The following ZNF565 variants were observed in gnomAD, a reference collection of about 807,000 sequenced individuals.
ZNF565 encodes zinc finger protein 565.
A neutral mutation model predicts 39.4 loss-of-function variants in ZNF565; 27 were observed. The ratio of observed to expected loss-of-function variants is 0.69; its 90% CI spans 0.51 to 0.95. The LOEUF (loss-of-function observed/expected upper bound fraction) is 0.95. Among genes scored for constraint, ZNF565 ranks in the 40% least tolerant of loss-of-function variants. The pLI is 0.00. For missense variants in ZNF565, 524 were observed against 621.1 expected (o/e 0.84, Z 1.66); for synonymous variants, 185 against 216.6 (o/e 0.85, Z 1.28).
chr19:36,196,494 G>A (rs576594876), intron 2 of ZNF565, among the ~76,000 whole-genome samples: 3 of 152,348 alleles, frequency 2.0e-5, no homozygotes, highest in Non-Finnish European at 2.9e-5. Flanking sequence ...TATATGACTA[G>A]AGGTCTATAT....
chr19:36,245,416 C>G lies in ZNF565; in HGVS notation c.55+60G>C, dbSNP rs921665454. The G allele has an allele frequency of 1.4e-6, 1 of 701,454 alleles. No individual in the cohort carries two copies. Among genetic ancestry groups the G allele is most frequent in the Non-Finnish European group, 2.6e-6 (1 of 384,304 alleles). 43.5% of individuals were successfully genotyped at this position (701,454 alleles called of 1,614,324 possible). On this transcript the variant is annotated intron_variant, in intron 1 of 4. Transcript: ENST00000355114. This position sits in a 1 kb window ranked among gnomAD's most constrained non-coding sequence, Gnocchi z 4.4. ...GACCCGGAAAGCTCCGCGCTTACGACGCCCACCCAGAAAATCCGGATCACA... is the reference window on the plus strand; with the variant it reads ...GACCCGGAAAGCTCCGCGCTTACGAGGCCCACCCAGAAAATCCGGATCACA...
At chr19:36,218,313 A>C (rs916901568), upstream of ZNF565, 1 of 152,006 alleles carries the variant, frequency 6.6e-6, no homozygotes, top group African/African-American at 2.4e-5. Flanking sequence ...AGTTCTAAGA[A>C]TAGTCCCCAG....
intron 1 of ZNF565, among the ~76,000 whole-genome samples, chr19:36,211,680 C>A (rs981005875): frequency 1.3e-5 from 2 of 148,358 alleles, no homozygotes; most frequent in Non-Finnish European, 3.0e-5. Flanking sequence ...GTAGTCCCAA[C>A]TACTCGGGAG....
intron 1 of ZNF565, among the ~76,000 whole-genome samples, chr19:36,204,240 G>A (rs1047454906): frequency 3.3e-5 from 5 of 152,096 alleles, no homozygotes; most frequent in African/African-American, 1.2e-4. Context: ...GTGAGCCACC[G>A]AGCCCAGCTA....
intron 1 of ZNF565, among the ~76,000 whole-genome samples, chr19:36,222,931 C>G (rs1236095361): frequency 6.6e-6 from 1 of 151,636 alleles, no homozygotes; most frequent in African/African-American, 2.4e-5. Context: ...AATGAGCCCC[C>G]TGTGGTTGGT....
chr19:36,234,823 T>C lies in ZNF565; in HGVS notation c.55+10653A>G, dbSNP rs371337151. ...TCATTTGCTGAATGCCCCTGAGCTC[T>C]GATTAAAATTCTGCAGGGGATAAAC... On this transcript the variant is annotated intron_variant, in intron 1 of 4. Coordinates refer to the ZNF565 transcript ENST00000355114. 2.6e-5 allele frequency among the ~76,000 whole-genome samples: 4 copies of C among 152,232 alleles called. No individual in the cohort carries two copies. In the East Asian group the frequency reaches 5.8e-4, roughly 22 times the overall value.
intron 2 of ZNF565, among the ~76,000 whole-genome samples, chr19:36,196,678 CAA>C (rs1171381668): frequency 6.6e-6 from 1 of 152,088 alleles, no homozygotes; most frequent in African/African-American, 2.4e-5. Context: ...TAATGTCTTT[CAA>C]AAATGAGTCC....
chr19:36,205,048 T>C (rs868116368), intron 1 of ZNF565, among the ~76,000 whole-genome samples: 7 of 151,866 alleles, frequency 4.6e-5, no homozygotes, highest in African/African-American at 1.7e-4. Flanking sequence ...CAAGGACCAG[T>C]GGGTCTGATC....
chr19:36,212,661 A>G (rs1261789103), intron 1 of ZNF565, among the ~76,000 whole-genome samples: 1 of 152,068 alleles, frequency 6.6e-6, no homozygotes, highest in Non-Finnish European at 1.5e-5. Context: ...TATTGTTGCT[A>G]CATTTTAAAG....
chr19:36,198,420 TAAAAATC>T (rs1975841181), intron 2 of ZNF565, among the ~76,000 whole-genome samples: 1 of 152,108 alleles, frequency 6.6e-6, no homozygotes, highest in Non-Finnish European at 1.5e-5. Context: ...TTTGTGGATC[TAAAAATC>T]AAAACAATTC....
At chr19:36,211,543 C>G (rs1976360112) in intron 1 of ZNF565, among the ~76,000 whole-genome samples, 1 of 151,996 alleles carries the variant, frequency 6.6e-6, no homozygotes, top group South Asian at 2.1e-4. Context: ...CCTGTAATCC[C>G]AGTACTTTGG....
chr19:36,236,358 T>C, intron 1 of ZNF565: 4 of 1,481,570 alleles, frequency 2.7e-6, no homozygotes, highest in Non-Finnish European at 3.6e-6. Context: ...TGTGGAAATA[T>C]CTTCAGCCAA....
At position 36,245,643 on chromosome 19, in the gene ZNF565, T is replaced by C; in HGVS notation, c.-113A>G. On this transcript the variant is annotated 5_prime_UTR_variant, in exon 1 of 5. Coordinates refer to the ZNF565 transcript ENST00000355114. The surrounding 1 kb of genome is among the most constrained non-coding windows in gnomAD (Gnocchi z 4.4). ...GCTACCACCTGCCCGAATTGGTGCT[T>C]TGGCAGAGTCTCTGGTGCCCGGGTG... The C allele has an allele frequency of 1.4e-6, 1 of 693,482 alleles. No homozygotes were observed. The highest frequency in any genetic ancestry group is 2.6e-6 in the Non-Finnish European group (1 of 379,362). 43.0% of individuals were successfully genotyped at this position (693,482 alleles called of 1,614,324 possible). A position where few individuals can be genotyped will look rare whatever the true frequency, so the allele number is the denominator to read the frequency against.
At chr19:36,190,974 AGAGT>A (rs1224277093) in intron 4 of ZNF565, among the ~76,000 whole-genome samples, 1 of 145,096 alleles carries the variant, frequency 6.9e-6, no homozygotes, top group African/African-American at 2.6e-5. Flanking sequence ...CCTGGGTGAC[AGAGT>A]GAGACTCTGT....
chr19:36,195,705 C>T lies in ZNF565; in HGVS notation c.10-549G>A, dbSNP rs531871371. ...GACCATAGGCGCGTGCCACTGTGCC[C>T]GGCTAATTTTTTGTATTTTTAGTAG... On this transcript the variant is annotated intron_variant, in intron 2 of 4. Transcript: ENST00000304116. Among the ~76,000 whole-genome samples the T allele has an allele frequency of 1.8e-3, 165 of 90,944 alleles. 2 individuals are homozygous for T. Among genetic ancestry groups the T allele is most frequent in the African/African-American group, 7.1e-3 (148 of 20,830 alleles). 59.7% of individuals were successfully genotyped at this position (90,944 alleles called of 152,430 possible).
At chr19:36,221,844 AG>A (rs1295554016) in intron 1 of ZNF565, among the ~76,000 whole-genome samples, 1 of 151,784 alleles carries the variant, frequency 6.6e-6, no homozygotes, top group East Asian at 1.9e-4. Flanking sequence ...CTTACATAAA[AG>A]ATAGCATACC....
At chr19:36,201,076 C>T (rs1975946889) in intron 2 of ZNF565, among the ~76,000 whole-genome samples, 1 of 152,058 alleles carries the variant, frequency 6.6e-6, no homozygotes, top group South Asian at 2.1e-4. Flanking sequence ...TACTAGGAGG[C>T]TAACCAATTG....
intron 1 of ZNF565, among the ~76,000 whole-genome samples, chr19:36,226,723 GTAT>G (rs1452919053): frequency 6.6e-6 from 1 of 152,142 alleles, no homozygotes. Flanking sequence ...TGATACATTA[GTAT>G]TATTTAATCC....
chr19:36,190,815 A>G (rs1297119196), intron 4 of ZNF565, among the ~76,000 whole-genome samples: 1 of 151,620 alleles, frequency 6.6e-6, no homozygotes, highest in Non-Finnish European at 1.5e-5. Context: ...AACATGGCGA[A>G]ATCCTGTCTC....
Sources: allele counts gnomAD v4.1 joint callset (sites outside exome capture counted in the v4.1 genomes callset), GRCh38; gene constraint gnomAD v4.1.1; non-coding constraint Gnocchi (gnomAD v3.1); transcripts MANE v1.5; gene names NCBI Gene and HGNC (gene_info 2026-07-23, HGNC 2026-07-21).